The following TTC22 variants were observed in gnomAD, a reference collection of about 807,000 sequenced individuals.
The protein encoded by TTC22 is tetratricopeptide repeat domain 22, also known as tetratricopeptide repeat protein 22.
TTC22 carries 42 observed loss-of-function variants against 48.2 expected under a neutral mutation model. The observed-to-expected ratio is 0.87, with a 90% CI of 0.68 to 1.13. TTC22 has a LOEUF of 1.13. TTC22 is among the 50% of genes most tolerant of loss of function. TTC22 has a pLI of 0.00. For missense variants in TTC22, 784 were observed against 807.0 expected (o/e 0.97, Z 0.34); for synonymous variants, 345 against 365.5 (o/e 0.94, Z 0.64).
At position 54,781,080 on chromosome 1, in the gene TTC22, C is replaced by T; in HGVS notation, c.*163G>A. On this transcript the variant is annotated 3_prime_UTR_variant, in exon 7 of 7. Coordinates refer to ENST00000371276, the MANE Select transcript of TTC22 (RefSeq NM_001114108.2). Reference sequence around the variant, plus strand: ...TCCAGTCTGGGTGGGCGTTTCAAACCGCGCGGGTGTCGCAACATCCCCATT... The same window carrying T: ...TCCAGTCTGGGTGGGCGTTTCAAACTGCGCGGGTGTCGCAACATCCCCATT... The T allele has an allele frequency of 2.1e-6, 1 of 480,700 alleles. No individual in the cohort carries two copies. 29.8% of individuals were successfully genotyped at this position (480,700 alleles called of 1,614,324 possible).
rs1311734446 is a variant in TTC22 at position 54,781,688 on chromosome 1, G to A, written c.1265C>T (p.Ala422Val). 75 of 1,529,920 alleles carry A rather than the reference G, an allele frequency of 4.9e-5. No homozygotes were observed. The highest frequency in any genetic ancestry group is 6.1e-5 in the Non-Finnish European group (70 of 1,144,084). 94.8% of individuals were successfully genotyped at this position (1,529,920 alleles called of 1,614,324 possible). A position where few individuals can be genotyped will look rare whatever the true frequency, so the allele number is the denominator to read the frequency against. Residue 422 changes from alanine (A) to valine (V), a missense_variant, in exon 7 of 7, where the codon GCG becomes GTG. Coordinates refer to ENST00000371276, the MANE Select transcript of TTC22 (RefSeq NM_001114108.2). ...LNQALVFLAKAGESELGATLP... is the reference protein window; with the variant it reads ...LNQALVFLAKVGESELGATLP... Reference sequence around the variant, plus strand: ...CGTGGCACCCAGCTCCGACTCGCCCGCCTTGGCCAGGAACACCAGCGCCTG... The same window carrying A: ...CGTGGCACCCAGCTCCGACTCGCCCACCTTGGCCAGGAACACCAGCGCCTG...
Position 54,784,807 on chromosome 1 carries a change from G to A in TTC22, c.1020+1176C>T, listed in dbSNP as rs111350490. On this transcript the variant is annotated intron_variant, in intron 5 of 6. Coordinates refer to ENST00000371276, the MANE Select transcript of TTC22 (RefSeq NM_001114108.2). Reference sequence around the variant, plus strand: ...TGCAGTGAAGTAAACTGGGAGCTCCGAGTCGGCTTCCTCAAGCACATGGGC... The same window carrying A: ...TGCAGTGAAGTAAACTGGGAGCTCCAAGTCGGCTTCCTCAAGCACATGGGC... 198 of 1,299,938 alleles carry A rather than the reference G, an allele frequency of 1.5e-4. No individual in the cohort carries two copies. The African/African-American group carries it at 2.7e-3, about 17-fold the overall frequency. The allele number at this position is 1,299,938 out of a possible 1,614,324, so 80.5% of individuals were successfully genotyped here.
chr1:54,801,231 G>A lies in TTC22; in HGVS notation c.-68C>T. 2.0e-6 allele frequency: 3 copies of A among 1,503,636 alleles called. No individual in the cohort carries two copies. The highest frequency in any genetic ancestry group is 2.4e-5 in the East Asian group (1 of 42,158). 93.1% of individuals were successfully genotyped at this position (1,503,636 alleles called of 1,614,324 possible). On this transcript the variant is annotated 5_prime_UTR_variant, in exon 1 of 7. In the 5' UTR this introduces an upstream ATG that the reference lacks. Coordinates refer to ENST00000371276, the MANE Select transcript of TTC22 (RefSeq NM_001114108.2). ...GCTGTGGAGGGCAGTGGATGGGGGC[G>A]TTCCCCGAGCGAGCTCCGTGCGGGA... is the stretch of plus-strand genomic sequence containing the variant.
chr1:54,799,976 G>A (rs10157621), intron 1 of TTC22, among the ~76,000 whole-genome samples: 2,510 of 152,260 alleles, frequency 0.016, 48 homozygotes, highest in African/African-American at 0.042. Context: ...AGTGAGCACG[G>A]GGGAGCTGGA....
At chr1:54,793,973 G>A (rs1474861593) in intron 1 of TTC22, among the ~76,000 whole-genome samples, 2 of 152,158 alleles carry the variant, frequency 1.3e-5, no homozygotes, top group Non-Finnish European at 2.9e-5. Flanking sequence ...AGACCAGCAA[G>A]ATCAGCAGCA....
intron 1 of TTC22, among the ~76,000 whole-genome samples, chr1:54,796,963 G>C (rs774511353): frequency 5.3e-5 from 8 of 152,172 alleles, no homozygotes; most frequent in Non-Finnish European, 1.0e-4. Context: ...CTCTATTGAA[G>C]AGCAGTGGTG....
intron 5 of TTC22, chr1:54,784,937 G>C: frequency 1.8e-5 from 7 of 379,114 alleles, no homozygotes; most frequent in Non-Finnish European, 2.7e-5. Context: ...CTATGCAGTG[G>C]ACTGCATCAA....
chr1:54,798,503 T>C (rs1179607191), intron 1 of TTC22, among the ~76,000 whole-genome samples: 3 of 152,210 alleles, frequency 2.0e-5, no homozygotes, highest in African/African-American at 7.2e-5. Flanking sequence ...GACCTCTGGG[T>C]GTACAGTACT....
In TTC22 at chr1:54,800,698, C is replaced by G. The variant is rs1235996247; in HGVS notation, c.466G>C (p.Ala156Pro). 3 of 1,549,902 alleles carry G rather than the reference C, an allele frequency of 1.9e-6. No individual in the cohort carries two copies. The highest frequency in any genetic ancestry group is 2.6e-6 in the Non-Finnish European group (3 of 1,154,896). ...GCGCAGCCGACGTCGAAGCCATGCGCGTAGCCCTGCTCGGCCAGGCAGCGA... is the reference window on the plus strand; with the variant it reads ...GCGCAGCCGACGTCGAAGCCATGCGGGTAGCCCTGCTCGGCCAGGCAGCGA... ...AARCLAEQGY[A>P]HGFDVGCASP... Residue 156 changes from alanine (A) to proline (P), a missense_variant, in exon 1 of 7, where the codon GCG becomes CCG. Coordinates refer to ENST00000371276, the MANE Select transcript of TTC22 (RefSeq NM_001114108.2).
chr1:54,799,901 A>G (rs1472307538), intron 1 of TTC22, among the ~76,000 whole-genome samples: 1 of 152,216 alleles, frequency 6.6e-6, no homozygotes, highest in Non-Finnish European at 1.5e-5. Context: ...CATATGTAAC[A>G]TTACTATCTC....
intron 4 of TTC22, 176 bp from the exon 5 acceptor site, chr1:54,786,320 ACACC>A: frequency 1.7e-6 from 1 of 581,324 alleles, no homozygotes. Context: ...CGAAGCCCCA[ACACC>A]TTGGGGCACA....
At chr1:54,790,112 T>A (rs1646338575) in intron 1 of TTC22, among the ~76,000 whole-genome samples, 1 of 152,184 alleles carries the variant, frequency 6.6e-6, no homozygotes, top group African/African-American at 2.4e-5. Flanking sequence ...CAGTAGCTTA[T>A]GCCTGTACTC....
chr1:54,800,795 G>A lies in TTC22; in HGVS notation c.369C>T (p.Ala123=), dbSNP rs748313165. ...LGQEEEEEAC[A]ARLADLMGLA... ...GGCCCATGAGGTCGGCCAGCCGTGC[G>A]GCGCACGCCTCCTCCTCTTCTTCCT... Residue 123 remains alanine, a synonymous_variant, in exon 1 of 7, where the codon GCC becomes GCT. Transcript: ENST00000371276. The A allele has an allele frequency of 5.1e-6, 8 of 1,572,064 alleles. No individual in the cohort carries two copies. The East Asian group carries it at 9.5e-5, about 19-fold the overall frequency.
intron 5 of TTC22, 79 bp from the exon 6 acceptor site, chr1:54,782,556 T>TC (rs1646271376): frequency 7.2e-7 from 1 of 1,390,832 alleles, no homozygotes; most frequent in African/African-American, 1.5e-5. Flanking sequence ...ATGAACCCAG[T>TC]CTTTTTTTCA....
intron 3 of TTC22, chr1:54,787,342 C>G (rs1384532964): frequency 3.6e-6 from 2 of 552,904 alleles, no homozygotes; most frequent in South Asian, 4.7e-5. Context: ...GACTTCAGCT[C>G]TCACCAGCTC....
In TTC22 at chr1:54,780,564, G is replaced by C. The variant is rs895399660; in HGVS notation, c.*679C>G. 3.3e-5 allele frequency: 5 copies of C among 152,062 alleles called. No homozygotes were observed. Among genetic ancestry groups the C allele is most frequent in the African/African-American group, 1.2e-4 (5 of 41,408 alleles). 9.4% of individuals were successfully genotyped at this position (152,062 alleles called of 1,614,324 possible). ...GCGCCCTTAGTTTCCCCCAAGAAGA[G>C]GGAAATCAAGTGAAGGTTCTATTGA... is the stretch of plus-strand genomic sequence containing the variant. On this transcript the variant is annotated 3_prime_UTR_variant, in exon 7 of 7. Transcript: ENST00000371276.
chr1:54,801,169 C>G lies in TTC22; in HGVS notation c.-6G>C. 6.2e-7 allele frequency: 1 copy of G among 1,610,070 alleles called. No homozygotes were observed. The highest frequency in any genetic ancestry group is 1.1e-5 in the South Asian group (1 of 91,030). On this transcript the variant is annotated 5_prime_UTR_variant, in exon 1 of 7. Coordinates refer to ENST00000371276, the MANE Select transcript of TTC22 (RefSeq NM_001114108.2). ...ACAGCCTCCAGCTCCGCCATGACTG[C>G]TCCCTCTGCTCCCCTGGCCTCACCC...
intron 3 of TTC22, 106 bp downstream of exon 3, chr1:54,787,605 G>A (rs535528099): frequency 4.1e-5 from 34 of 823,962 alleles, no homozygotes; most frequent in Middle Eastern, 3.1e-4. Context: ...GAAGGAGGAA[G>A]AAACAGGAGC....
In TTC22 at chr1:54,786,016, T is replaced by C. The variant is rs586462; in HGVS notation, c.987A>G (p.Glu329=). ...TTGTGCAGTACGCCTGCCAGTTGAG[T>C]TCTGGATCTCGTAGGACATCCAGGG... ...NMALDVLRDP[E]LNWQAYCTRA... Residue 329 remains glutamate (E), a synonymous_variant, in exon 5 of 7, where the codon GAA becomes GAG. Transcript: ENST00000371276. 1,613,438 of 1,614,066 alleles carry C rather than the reference T, an allele frequency of 1. 806,407 individuals carry two copies. The highest frequency in any genetic ancestry group is 1 in the East Asian group (44,856 of 44,856).
Sources: allele counts gnomAD v4.1 joint callset (sites outside exome capture counted in the v4.1 genomes callset), GRCh38; gene constraint gnomAD v4.1.1; transcripts MANE v1.5; gene names NCBI Gene and HGNC (gene_info 2026-07-23, HGNC 2026-07-21).